The following EGF variants were observed in gnomAD, a reference collection of about 807,000 sequenced individuals.
EGF encodes epidermal growth factor, also known as pro-epidermal growth factor.
EGF carries 95 observed loss-of-function variants against 143.8 expected under a neutral mutation model. The ratio of observed to expected loss-of-function variants is 0.66; its 90% confidence interval spans 0.56 to 0.78. The LOEUF is 0.78. Among genes scored for constraint, EGF ranks in the 30% least tolerant of loss-of-function variants. The pLI is 0.00. For synonymous variants in EGF, 510 were observed against 510.5 expected (o/e 1.00, Z 0.01); for missense variants, 1,320 against 1,470.9 (o/e 0.90, Z 1.68).
rs1748501709 is a variant in EGF at position 109,976,334 on chromosome 4, A to G, written c.2053+99A>G. 3 of 1,016,226 alleles carry G rather than the reference A, an allele frequency of 3.0e-6. No individual in the cohort carries two copies. The South Asian group carries it at 4.1e-5, about 14-fold the overall frequency. 63.0% of individuals were successfully genotyped at this position (1,016,226 alleles called of 1,614,324 possible). On this transcript the variant is annotated intron_variant, in intron 13 of 23. Coordinates refer to ENST00000265171, the MANE Select transcript of EGF (RefSeq NM_001963.6). ...ACACACACACATACCACTTAGCCGT[A>G]TGGGTGAATATGGAATAGAGACAGA...
chr4:109,958,432 C>A (rs553054831), intron 5 of EGF, among the ~76,000 whole-genome samples: 1 of 152,126 alleles, frequency 6.6e-6, no homozygotes, highest in Non-Finnish European at 1.5e-5. Flanking sequence ...GCTAATTCAA[C>A]CCAAACACCC....
chr4:109,936,334 A>G (rs187283131), intron 1 of EGF, among the ~76,000 whole-genome samples: 69 of 152,262 alleles, frequency 4.5e-4, no homozygotes, highest in African/African-American at 1.6e-3. Context: ...TTATTTGCAT[A>G]GAGGTGTTTA....
At chr4:109,983,205 C>G (rs749028050) in intron 15 of EGF, among the ~76,000 whole-genome samples, 5 of 152,046 alleles carry the variant, frequency 3.3e-5, no homozygotes, top group African/African-American at 1.2e-4. Flanking sequence ...GGTTCCTTAT[C>G]CCCCGAATCA....
chr4:109,965,736 T>TCCTCCAGTGGAA (rs1036127562), intron 10 of EGF, among the ~76,000 whole-genome samples: 1 of 152,102 alleles, frequency 6.6e-6, no homozygotes, highest in Non-Finnish European at 1.5e-5. Flanking sequence ...AGAACTGCAG[T>TCCTCCAGTGGAA]CCTCCAGGTT....
At chr4:109,984,416 T>G (rs1191926157) in intron 16 of EGF, among the ~76,000 whole-genome samples, 1 of 152,196 alleles carries the variant, frequency 6.6e-6, no homozygotes, top group Non-Finnish European at 1.5e-5. Context: ...AGGAGGTTCA[T>G]AATTTTAGTA....
Position 109,970,824 on chromosome 4 carries a change from C to CAAAAAAAAAAA in EGF, c.1724+1717_1724+1727dup, listed in dbSNP as rs371512157. ...TGGGTGGCAGAGCGAGACTCCGTCT[C>CAAAAAAAAAAA]AAAAAAAAAAAAAAAAAAAAAATCT... On this transcript the variant is annotated intron_variant, in intron 11 of 23. Transcript: ENST00000265171. 1.1e-3 allele frequency among the ~76,000 whole-genome samples: 77 copies of CAAAAAAAAAAA among 72,936 alleles called. 2 individuals carry two copies. Among genetic ancestry groups the CAAAAAAAAAAA allele is most frequent in the Middle Eastern group, 9.3e-3 (1 of 108 alleles). 47.8% of individuals were successfully genotyped at this position (72,936 alleles called of 152,430 possible).
intron 2 of EGF, among the ~76,000 whole-genome samples, chr4:109,942,603 G>T (rs150861004): frequency 4.0e-4 from 61 of 152,292 alleles, no homozygotes; most frequent in Middle Eastern, 3.4e-3. Context: ...TCCCCAAGAA[G>T]ACCAGCTTAC....
chr4:109,954,117 T>G (rs1744394492), intron 5 of EGF, among the ~76,000 whole-genome samples: 3 of 152,214 alleles, frequency 2.0e-5, no homozygotes, highest in Non-Finnish European at 4.4e-5. Flanking sequence ...AGTGGCATGA[T>G]CTTGGCTCAC....
At position 109,976,170 on chromosome 4, in the gene EGF, A is replaced by G; in HGVS notation, c.1988A>G (p.Gln663Arg). ...AAGTTGTACTGGTGCGATGCCAAGC[A>G]GTCTGTGATTGAAATGGCCAATCTG... is the stretch of plus-strand genomic sequence containing the variant. ...TDKLYWCDAK[Q>R]SVIEMANLDG... The change falls in exon 13 of 24, where the codon CAG becomes CGG. Residue 663 changes from glutamine (Q) to arginine (R), a missense_variant. Transcript: ENST00000265171. 1 of 1,614,136 alleles carries G rather than the reference A, an allele frequency of 6.2e-7. No homozygotes were observed. The highest frequency in any genetic ancestry group is 8.5e-7 in the Non-Finnish European group (1 of 1,180,012).
chr4:110,004,451 G>A, intron 21 of EGF, 54 bp from the exon 22 acceptor site: 2 of 1,478,844 alleles, frequency 1.4e-6, no homozygotes, highest in Non-Finnish European at 9.4e-7. Flanking sequence ...TCACTGAGTG[G>A]GCTGAGTATT....
intron 1 of EGF, among the ~76,000 whole-genome samples, chr4:109,936,932 TG>T (rs1035277618): frequency 1.4e-4 from 21 of 152,206 alleles, no homozygotes; most frequent in South Asian, 2.1e-4. Context: ...CTTTTGCATT[TG>T]CTGAGGAGTG....
chr4:109,987,711 G>T, intron 16 of EGF, 33 bp from the exon 17 acceptor site: 2 of 1,563,154 alleles, frequency 1.3e-6, no homozygotes, highest in South Asian at 2.2e-5. Flanking sequence ...CTAAGGTCTA[G>T]AAATAACTGC....
intron 11 of EGF, among the ~76,000 whole-genome samples, chr4:109,971,623 T>G (rs1747674699): frequency 1.3e-5 from 2 of 152,194 alleles, no homozygotes; most frequent in Admixed American, 1.3e-4. Flanking sequence ...CCCAGTTCAT[T>G]GGCTTCAGTA....
At position 109,937,126 on chromosome 4, in the gene EGF, G is replaced by A. The variant is rs1740966535; in HGVS notation, c.128-3820G>A. On this transcript the variant is annotated intron_variant, in intron 1 of 23. Coordinates refer to ENST00000265171, the MANE Select transcript of EGF (RefSeq NM_001963.6). ...CTTTCTCGTTGGTCTAATATTGACA[G>A]TGGGGTGTTATTGTCTCCCACTTTT... is the stretch of plus-strand genomic sequence containing the variant. 2.6e-5 allele frequency among the ~76,000 whole-genome samples: 4 copies of A among 152,106 alleles called. 1 individual carries two copies. In the South Asian group the frequency reaches 6.2e-4, roughly 24 times the overall value.
At chr4:109,915,434 A>T (rs144635066) in intron 1 of EGF, among the ~76,000 whole-genome samples, 1 of 152,308 alleles carries the variant, frequency 6.6e-6, no homozygotes, top group East Asian at 1.9e-4. Context: ...TGATCAAGTC[A>T]TACGATGAGA....
intron 1 of EGF, among the ~76,000 whole-genome samples, chr4:109,930,344 G>T (rs1485547511): frequency 6.6e-6 from 1 of 152,168 alleles, no homozygotes; most frequent in East Asian, 1.9e-4. Flanking sequence ...AGCACCTGGG[G>T]AGTAGTAATA....
intron 1 of EGF, among the ~76,000 whole-genome samples, chr4:109,931,303 A>G (rs3775967): frequency 0.35 from 52,876 of 152,170 alleles, 9,319 homozygotes; most frequent in Middle Eastern, 0.41. Context: ...TTAAAATTAT[A>G]TTTTATTACA....
chr4:110,005,036 CTTTTTTTTTTTTTT>C (rs538062029), intron 22 of EGF, among the ~76,000 whole-genome samples: 2 of 80,694 alleles, frequency 2.5e-5, no homozygotes, highest in East Asian at 5.3e-4. Flanking sequence ...TTTTCTCTGT[CTTTTTTTTTTTTTT>C]TTTTTTTTTT....
intron 23 of EGF, 112 bp from the exon 24 acceptor site, chr4:110,011,090 A>G (rs1237252849): frequency 7.8e-7 from 1 of 1,284,838 alleles, no homozygotes; most frequent in Non-Finnish European, 1.1e-6. Context: ...AAAATGGGTT[A>G]TCTTTGTGTC....
Sources: gnomAD v4.1 joint callset for allele counts (sites outside exome capture counted in the v4.1 genomes callset) on GRCh38, gnomAD v4.1.1 for gene constraint, MANE v1.5 for transcripts, NCBI Gene and HGNC (gene_info 2026-07-23, HGNC 2026-07-21) for gene names.